CLBA1: variants seen among roughly 807,000 people sequenced by gnomAD.
CLBA1 encodes the protein uncharacterized protein CLBA1.
Under a neutral mutation model 28.8 loss-of-function variants are expected in CLBA1, and 30 were observed. That is an observed-to-expected ratio of 1.04 (90% CI 0.78 to 1.41). The LOEUF (loss-of-function observed/expected upper bound fraction) is 1.41. Ranked by LOEUF, CLBA1 falls within the 40% of genes most tolerant of loss-of-function variation. CLBA1 has a pLI of 0.00. For missense variants in CLBA1, 451 were observed against 412.3 expected (o/e 1.09, Z -0.81); for synonymous variants, 160 against 152.8 (o/e 1.05, Z -0.35).
At chr14:104,993,486 G>T in intron 4 of CLBA1, 1 of 985,434 alleles carries the variant, frequency 1.0e-6, no homozygotes, top group Non-Finnish European at 1.2e-6. Context: ...TCAGTCACGG[G>T]CCGCTTACCC....
chr14:104,995,208 C>CT lies in CLBA1; in HGVS notation c.*450dup, dbSNP rs1900136226. On this transcript the variant is annotated 3_prime_UTR_variant, in exon 5 of 5. Coordinates refer to ENST00000547315, the MANE Select transcript of CLBA1 (RefSeq NM_174891.4). ...GCTGTTGAGACCGCTCAGAAACCCT[C>CT]TGTCTGTCACACTCTGCCCTGGCTG... is the stretch of plus-strand genomic sequence containing the variant. The CT allele has an allele frequency of 3.1e-6, 3 of 973,240 alleles. No homozygotes were observed. The highest frequency in any genetic ancestry group is 4.7e-5 in the South Asian group (1 of 21,386). 60.3% of individuals were successfully genotyped at this position (973,240 alleles called of 1,614,324 possible).
intron 3 of CLBA1, among the ~76,000 whole-genome samples, chr14:104,991,968 CCA>C (rs757883679): frequency 3.4e-4 from 52 of 151,532 alleles, no homozygotes; most frequent in South Asian, 1.3e-3. Flanking sequence ...GCACACGCCG[CCA>C]CACACACGCC....
At chr14:104,986,903 C>G in intron 1 of CLBA1, 49 bp downstream of exon 1, 1 of 1,582,332 alleles carries the variant, frequency 6.3e-7, no homozygotes, top group Non-Finnish European at 8.6e-7. Flanking sequence ...CGTGTACACA[C>G]CAAGAGGCCT....
At chr14:104,996,848 A>G (rs559810162), downstream of CLBA1, among the ~76,000 whole-genome samples, 13 of 152,360 alleles carry the variant, frequency 8.5e-5, no homozygotes, top group Middle Eastern at 3.4e-3. Context: ...GCTGCAGAGA[A>G]GTCCAGAGCT....
chr14:104,995,215 TCACA>T lies in CLBA1; in HGVS notation c.*458_*461del, dbSNP rs1164082858. On this transcript the variant is annotated 3_prime_UTR_variant, in exon 5 of 5. Transcript: ENST00000547315. ...AGACCGCTCAGAAACCCTCTGTCTG[TCACA>T]CTCTGCCCTGGCTGCTGTGTGGTCA... The T allele has an allele frequency of 1.0e-6, 1 of 986,690 alleles. No homozygotes were observed. Among genetic ancestry groups the T allele is most frequent in the East Asian group, 1.1e-4 (1 of 8,842 alleles). 61.1% of individuals were successfully genotyped at this position (986,690 alleles called of 1,614,324 possible). A position where few individuals can be genotyped will look rare whatever the true frequency, so the allele number is the denominator to read the frequency against.
chr14:104,987,392 T>C (rs1267094943), intron 1 of CLBA1, among the ~76,000 whole-genome samples: 1 of 152,136 alleles, frequency 6.6e-6, no homozygotes, highest in East Asian at 1.9e-4. Context: ...TGCCCCCTGC[T>C]CTCTTTCAGA....
intron 4 of CLBA1, chr14:104,994,127 A>G: frequency 1.0e-6 from 1 of 985,414 alleles, no homozygotes; most frequent in South Asian, 4.7e-5. Flanking sequence ...GAAAAGCACC[A>G]TAGCACAGGA....
At chr14:104,987,606 C>CTTTTTTT (rs869117577) in intron 1 of CLBA1, among the ~76,000 whole-genome samples, 2,881 of 60,052 alleles carry the variant, frequency 0.048, 347 homozygotes, top group Non-Finnish European at 0.064. Context: ...TCTTCCTTTT[C>CTTTTTTT]TTTTTTTTTT....
chr14:104,987,778 C>T (rs1232800724), intron 1 of CLBA1, among the ~76,000 whole-genome samples: 8 of 141,556 alleles, frequency 5.7e-5, no homozygotes, highest in African/African-American at 1.1e-4. Flanking sequence ...CCACCACGCC[C>T]GGCTAACTTT....
At chr14:104,993,861 G>T in intron 4 of CLBA1, 1 of 985,464 alleles carries the variant, frequency 1.0e-6, no homozygotes, top group Non-Finnish European at 1.2e-6. Context: ...GGAGGCGCAG[G>T]GGTAAAGTAC....
intron 2 of CLBA1, 101 bp from the exon 3 acceptor site, chr14:104,991,390 G>T (rs559686505): frequency 1.4e-6 from 2 of 1,438,192 alleles, no homozygotes. Context: ...CTCGGCTTGC[G>T]GGTAAAGGCC....
intron 1 of CLBA1, among the ~76,000 whole-genome samples, chr14:104,987,101 C>G (rs1899886680): frequency 6.6e-6 from 1 of 152,252 alleles, no homozygotes; most frequent in Non-Finnish European, 1.5e-5. Context: ...GCCACCTGAG[C>G]TGGGTCGCTC....
intron 4 of CLBA1, 29 bp from the exon 5 acceptor site, chr14:104,994,569 C>T (rs375027028): frequency 2.5e-4 from 396 of 1,582,580 alleles, no homozygotes; most frequent in Non-Finnish European, 3.1e-4. Context: ...CCGGGGTGCG[C>T]GCGCCTGACT....
intron 1 of CLBA1, 36 bp downstream of exon 1, chr14:104,986,890 G>GA (rs751248095): frequency 1.8e-5 from 29 of 1,600,254 alleles, no homozygotes; most frequent in Middle Eastern, 1.7e-4. Flanking sequence ...ATGTTGAGTG[G>GA]GACGTGTACA....
At chr14:104,996,907 C>G (rs1025754229), downstream of CLBA1, among the ~76,000 whole-genome samples, 1 of 152,260 alleles carries the variant, frequency 6.6e-6, no homozygotes, top group South Asian at 2.1e-4. Context: ...GGCAACCTCA[C>G]AGTGGAAGGC....
chr14:104,986,134 C>T lies in CLBA1; in HGVS notation c.-298C>T, dbSNP rs1409211638. On this transcript the variant is annotated 5_prime_UTR_variant, in exon 1 of 5. Transcript: ENST00000547315. The stretch of plus-strand genomic sequence containing the variant: ...AGCAGGAGCCCCACCTTGGGCCGCC[C>T]CTCTCACACCTGCCGTGGGTCTGGT... The T allele has an allele frequency of 2.2e-6, 1 of 462,068 alleles. No homozygotes were observed. Among genetic ancestry groups the T allele is most frequent in the East Asian group, 4.0e-5 (1 of 25,016 alleles). The allele number at this position is 462,068 out of a possible 1,614,324, so 28.6% of individuals were successfully genotyped here. A position where few individuals can be genotyped will look rare whatever the true frequency, so the allele number is the denominator to read the frequency against.
rs755190094 is a variant in CLBA1, at chr14:104,994,694, C to G, written c.913C>G (p.Pro305Ala). The G allele has an allele frequency of 3.1e-6, 5 of 1,613,942 alleles. No individual in the cohort carries two copies. The African/African-American group carries it at 5.3e-5, about 17-fold the overall frequency. The part of the protein sequence containing the change: ...SCGGGQHITI[P>A]RKRMFTPRKL... ...CGGAGGTGGCCAGCACATCACTATT[C>G]CAAGGAAAAGGATGTTCACTCCACG... Residue 305 changes from proline to alanine, a missense_variant, in exon 5 of 5, where the codon CCA becomes GCA. Pro to Ala is a conservative substitution (Grantham distance 27). Transcript: ENST00000547315.
Position 104,986,271 on chromosome 14 carries a change from T to A in CLBA1, c.-161T>A. 1 of 710,320 alleles carries A rather than the reference T, an allele frequency of 1.4e-6. No individual in the cohort carries two copies. Among genetic ancestry groups the A allele is most frequent in the East Asian group, 2.7e-5 (1 of 36,732 alleles). The allele number at this position is 710,320 out of a possible 1,614,324, so 44.0% of individuals were successfully genotyped here. A position where few individuals can be genotyped will look rare whatever the true frequency, so the allele number is the denominator to read the frequency against. ...CAGTTCCACAGCAGCACGTGGGCACTTTCCACCGTCAGCCACTGGGCAGCC... is the reference window on the plus strand; with the variant it reads ...CAGTTCCACAGCAGCACGTGGGCACATTCCACCGTCAGCCACTGGGCAGCC... On this transcript the variant is annotated 5_prime_UTR_variant, in exon 1 of 5. Transcript: ENST00000547315.
downstream of CLBA1, among the ~76,000 whole-genome samples, chr14:104,999,822 A>G (rs1900232229): frequency 6.6e-6 from 1 of 152,270 alleles, no homozygotes; most frequent in Non-Finnish European, 1.5e-5. Flanking sequence ...TTATAGCTTT[A>G]AATGTTTATA....
Sources: allele counts gnomAD v4.1 joint callset (sites outside exome capture counted in the v4.1 genomes callset), GRCh38; gene constraint gnomAD v4.1.1; transcripts MANE v1.5; gene names NCBI Gene and HGNC (gene_info 2026-07-23, HGNC 2026-07-21).